The following NHS variants were observed in gnomAD, a reference collection of about 807,000 sequenced individuals.
NHS encodes actin remodeling regulator NHS.
In NHS, 5 loss-of-function variants were observed where a neutral mutation model predicts 72.5. The observed-to-expected ratio is 0.07, with a 90% CI of 0.04 to 0.14. The LOEUF (loss-of-function observed/expected upper bound fraction) is 0.14, where lower values mean the gene tolerates loss of function less well. NHS is among the 10% of genes least tolerant of loss of function. The probability of loss-of-function intolerance (pLI) is 1.00; values close to 1 mark genes in which losing one functional copy is unlikely to be tolerated. For missense variants in NHS, 1,072 were observed against 1,355.7 expected (o/e 0.79, Z 3.29); for synonymous variants, 464 against 547.7 (o/e 0.85, Z 2.13).
intron 1 of NHS, among the ~76,000 whole-genome samples, chrX:17,435,680 A>C (rs1252879288): frequency 1.8e-5 from 2 of 112,946 alleles, no homozygotes; most frequent in East Asian, 5.6e-4. Context: ...TTTGTGTTTC[A>C]CTGGGGTTGG....
chrX:17,496,245 C>T (rs992555595), intron 1 of NHS, among the ~76,000 whole-genome samples: 1 of 110,837 alleles, frequency 9.0e-6, no homozygotes, highest in African/African-American at 3.3e-5. Context: ...GGCAGCACAG[C>T]ATCTTTTATT....
rs150037488 is a variant in NHS at position 17,483,550 on chromosome X, A to C, written c.565+107228A>C. ...TGTGGCTCTCTTGACCAGTTTAGGAACTCCTGTTTGTGTCAGGCATTGTGC... is the reference window on the plus strand; with the variant it reads ...TGTGGCTCTCTTGACCAGTTTAGGACCTCCTGTTTGTGTCAGGCATTGTGC... On this transcript the variant is annotated intron_variant, in intron 1 of 8. Coordinates refer to ENST00000676302, the MANE Select transcript of NHS (RefSeq NM_001291867.2). Among the ~76,000 whole-genome samples, 5 of 111,539 alleles carry C rather than the reference A, an allele frequency of 4.5e-5. No homozygotes were observed. In the East Asian group the frequency reaches 1.1e-3, roughly 25 times the overall value.
At chrX:17,396,774 T>C (rs2064477154) in intron 1 of NHS, among the ~76,000 whole-genome samples, 1 of 111,692 alleles carries the variant, frequency 9.0e-6, no homozygotes, top group Admixed American at 9.5e-5. Context: ...ATATATCCAC[T>C]GAGACACATA....
At chrX:17,518,767 A>G (rs2065133001) in intron 1 of NHS, among the ~76,000 whole-genome samples, 1 of 111,768 alleles carries the variant, frequency 8.9e-6, no homozygotes, top group Non-Finnish European at 1.9e-5. Context: ...GCTTGAGAAA[A>G]TACTGATGAC....
chrX:17,393,263 C>T lies in NHS; in HGVS notation c.565+16941C>T, dbSNP rs188487347. Among the ~76,000 whole-genome samples the T allele has an allele frequency of 5.5e-3, 488 of 88,030 alleles. 3 individuals are homozygous for T. The highest frequency in any genetic ancestry group is 7.7e-3 in the Non-Finnish European group (324 of 41,942). 76.4% of individuals were successfully genotyped at this position (88,030 alleles called of 115,157 possible). A position where few individuals can be genotyped will look rare whatever the true frequency, so the allele number is the denominator to read the frequency against. ...GGCTGTGACAATGACTGTTCTTATTCCTTGCTGTACCTAGACTTTCTGATC... is the reference window on the plus strand; with the variant it reads ...GGCTGTGACAATGACTGTTCTTATTTCTTGCTGTACCTAGACTTTCTGATC... On this transcript the variant is annotated intron_variant, in intron 1 of 8. Transcript: ENST00000676302.
chrX:17,447,538 A>C (rs1211805114), intron 1 of NHS, among the ~76,000 whole-genome samples: 7 of 111,257 alleles, frequency 6.3e-5, no homozygotes, highest in Non-Finnish European at 1.3e-4. Context: ...GTGTTTATAA[A>C]ACACAGAACT....
At chrX:17,402,220 C>T (rs921366452) in intron 1 of NHS, among the ~76,000 whole-genome samples, 3 of 111,639 alleles carry the variant, frequency 2.7e-5, no homozygotes, top group Admixed American at 9.5e-5. Context: ...AAATTGGAAC[C>T]GTTATACATT....
rs773565246 is a variant in NHS at position 17,727,354 on chromosome X, T to G, written c.3248T>G (p.Ile1083Ser). 4 of 1,210,149 alleles carry G rather than the reference T, an allele frequency of 3.3e-6. No individual in the cohort carries two copies. The highest frequency in any genetic ancestry group is 3.4e-6 in the Non-Finnish European group (3 of 893,969). ...CTGAGTAAAGACCTTGAACTTCCAA[T>G]TATACCTCCTACCCATCTTGATCTA... Reference protein sequence around the residue: ...ISLSKDLELPIIPPTHLDLSA... With the variant: ...ISLSKDLELPSIPPTHLDLSA... The change falls in exon 7 of 9, where the codon ATT becomes AGT. Residue 1083 changes from isoleucine (I) to serine (S), a missense_variant. Coordinates refer to ENST00000676302, the MANE Select transcript of NHS (RefSeq NM_001291867.2).
intron 6 of NHS, among the ~76,000 whole-genome samples, chrX:17,724,833 T>C (rs959057936): frequency 1.8e-5 from 2 of 112,293 alleles, no homozygotes; most frequent in Non-Finnish European, 3.8e-5. Flanking sequence ...CAATGAAATA[T>C]TGAATATTGA....
In NHS at chrX:17,436,830, A is replaced by G. The variant is rs1399921158; in HGVS notation, c.565+60508A>G. ...AGTCACCTTGGGTTCTGTGCCAGAA[A>G]CAACCTCTCTTACCTCAAAGTTCTC... is the stretch of plus-strand genomic sequence containing the variant. On this transcript the variant is annotated intron_variant, in intron 1 of 8. Transcript: ENST00000676302. Among the ~76,000 whole-genome samples, 9 of 111,137 alleles carry G rather than the reference A, an allele frequency of 8.1e-5. No homozygotes were observed. The Admixed American group carries it at 8.7e-4, about 11-fold the overall frequency.
At chrX:17,399,041 C>G (rs2064489815) in intron 1 of NHS, among the ~76,000 whole-genome samples, 1 of 112,011 alleles carries the variant, frequency 8.9e-6, no homozygotes, top group Non-Finnish European at 1.9e-5. Flanking sequence ...TTACAAGGAT[C>G]TGAAAGCATG....
intron 1 of NHS, among the ~76,000 whole-genome samples, chrX:17,487,571 C>T (rs1411376607): frequency 2.7e-5 from 3 of 111,581 alleles, no homozygotes; most frequent in African/African-American, 6.5e-5. Context: ...CTGATGTACC[C>T]GCCCTTGCTT....
intron 1 of NHS, among the ~76,000 whole-genome samples, chrX:17,413,548 A>G (rs1331209215): frequency 2.7e-5 from 3 of 112,369 alleles, no homozygotes; most frequent in African/African-American, 6.5e-5. Flanking sequence ...ACCTATTCAA[A>G]ATACTTTTCT....
At chrX:17,398,464 G>T (rs1227428246) in intron 1 of NHS, among the ~76,000 whole-genome samples, 1 of 112,466 alleles carries the variant, frequency 8.9e-6, no homozygotes, top group African/African-American at 3.2e-5. Flanking sequence ...TGTGGACATT[G>T]CCTCTGTATC....
At chrX:17,567,264 G>A (rs2065449102) in intron 1 of NHS, among the ~76,000 whole-genome samples, 1 of 112,118 alleles carries the variant, frequency 8.9e-6, no homozygotes, top group African/African-American at 3.2e-5. Context: ...TGGCAACTGC[G>A]TTTGAAGCCT....
rs1381976818 is a variant in NHS, at chrX:17,375,320, G to A, written c.-438G>A. On this transcript the variant is annotated 5_prime_UTR_variant, in exon 1 of 9. Transcript: ENST00000676302. ...GCCTGCGCCGGGGTACTTTCAAACTGAGGCGCGCGCACACACTCACACCCA... is the reference window on the plus strand; with the variant it reads ...GCCTGCGCCGGGGTACTTTCAAACTAAGGCGCGCGCACACACTCACACCCA... The A allele has an allele frequency of 6.7e-6, 2 of 297,653 alleles. No individual in the cohort carries two copies. Among genetic ancestry groups the A allele is most frequent in the African/African-American group, 5.5e-5 (2 of 36,519 alleles). 24.5% of individuals were successfully genotyped at this position (297,653 alleles called of 1,213,427 possible).
At chrX:17,649,420 C>G (rs1342816775) in intron 1 of NHS, among the ~76,000 whole-genome samples, 2 of 110,536 alleles carry the variant, frequency 1.8e-5, no homozygotes, top group Non-Finnish European at 3.8e-5. Context: ...TCAAACATAT[C>G]CAGGAATTCT....
At chrX:17,433,196 CTTTTTTTTTTTT>C (rs768285319) in intron 1 of NHS, among the ~76,000 whole-genome samples, 4 of 64,603 alleles carry the variant, frequency 6.2e-5, no homozygotes, top group South Asian at 1.1e-3. Flanking sequence ...CGCCCGGCTA[CTTTTTTTTTTTT>C]TTTTTTTTTT....
chrX:17,423,567 T>C (rs1219230492), intron 1 of NHS, among the ~76,000 whole-genome samples: 1 of 111,271 alleles, frequency 9.0e-6, no homozygotes, highest in Non-Finnish European at 1.9e-5. Flanking sequence ...AGGTTGGGGA[T>C]GAGATACCTT....
Sources: allele counts gnomAD v4.1 joint callset (sites outside exome capture counted in the v4.1 genomes callset), GRCh38; gene constraint gnomAD v4.1.1; transcripts MANE v1.5; gene names NCBI Gene and HGNC (gene_info 2026-07-23, HGNC 2026-07-21).